Variants in SAMD5 observed in about 807,000 individuals in gnomAD.
SAMD5 encodes the protein sterile alpha motif domain-containing protein 5.
SAMD5 carries 13 observed loss-of-function variants against 11.3 expected under a neutral mutation model. The ratio of observed to expected loss-of-function variants is 1.15; its 90% CI spans 0.75 to 1.83. The LOEUF is 1.83. SAMD5 is among the 40% of genes most tolerant of loss of function. SAMD5 has a pLI of 0.00. For synonymous variants in SAMD5, 129 were observed against 111.3 expected (o/e 1.16, Z -1.00); for missense variants, 255 against 239.1 (o/e 1.07, Z -0.44).
chr6:147,619,725 G>A (rs575774810), intron 1 of SAMD5, among the ~76,000 whole-genome samples: 1 of 152,188 alleles, frequency 6.6e-6, no homozygotes, highest in South Asian at 2.1e-4. Context: ...ATAACTGTTG[G>A]CTGCAAGAGA....
the SAMD5 span, among the ~76,000 whole-genome samples, chr6:147,868,418 G>A: frequency 6.6e-6 from 1 of 152,182 alleles, no homozygotes; most frequent in Non-Finnish European, 1.5e-5. Context: ...TACAGGCAAT[G>A]GCAAATTGTT....
the SAMD5 span, among the ~76,000 whole-genome samples, chr6:147,944,986 T>A: frequency 1.3e-5 from 2 of 152,200 alleles, no homozygotes; most frequent in African/African-American, 4.8e-5. Flanking sequence ...ATTCCGCAAC[T>A]GAGATATAGT....
chr6:147,853,630 T>A, the SAMD5 span, among the ~76,000 whole-genome samples: 2 of 27,440 alleles, frequency 7.3e-5, no homozygotes, highest in Non-Finnish European at 1.4e-4. Context: ...GCATGAGAAT[T>A]TTTTTTTTTT....
chr6:147,710,358 A>G (rs1180153716), intron 1 of SAMD5, among the ~76,000 whole-genome samples: 1 of 152,240 alleles, frequency 6.6e-6, no homozygotes, highest in East Asian at 1.9e-4. Context: ...CTGTGGTCCA[A>G]AAATATTCAA....
At chr6:147,558,729 G>T (rs566050003) in intron 1 of SAMD5, among the ~76,000 whole-genome samples, 77 of 151,984 alleles carry the variant, frequency 5.1e-4, no homozygotes, top group Non-Finnish European at 8.1e-4. Flanking sequence ...AAATGTGTGG[G>T]CCCACTGACC....
rs142279466 is a variant in SAMD5 at position 147,520,220 on chromosome 6, C to T, written c.459+10833C>T. 8.7e-3 allele frequency among the ~76,000 whole-genome samples: 1,312 copies of T among 150,682 alleles called. 14 individuals are homozygous for T. The highest frequency in any genetic ancestry group is 0.029 in the African/African-American group (1,205 of 40,848). On this transcript the variant is annotated intron_variant, in intron 1 of 1. Transcript: ENST00000367474. Reference sequence around the variant, plus strand: ...GCAACCTTCACCTCCAAGGTTCAAGCGATTCTCCTGCCTTAGCCTCCCAAG... The same window carrying T: ...GCAACCTTCACCTCCAAGGTTCAAGTGATTCTCCTGCCTTAGCCTCCCAAG...
intron 1 of SAMD5, among the ~76,000 whole-genome samples, chr6:147,702,391 A>G (rs1337960634): frequency 6.6e-6 from 1 of 152,242 alleles, no homozygotes; most frequent in Non-Finnish European, 1.5e-5. Flanking sequence ...GAGAGGCAAT[A>G]AAACATTTGG....
the SAMD5 span, among the ~76,000 whole-genome samples, chr6:147,758,707 G>A: frequency 6.6e-6 from 1 of 152,098 alleles, no homozygotes; most frequent in Non-Finnish European, 1.5e-5. Context: ...AAAATCATCA[G>A]CATCTTTTAC....
intron 1 of SAMD5, among the ~76,000 whole-genome samples, chr6:147,511,746 A>T (rs552800686): frequency 6.6e-6 from 1 of 152,274 alleles, no homozygotes; most frequent in South Asian, 2.1e-4. Context: ...GAGCATACAA[A>T]TGTTTAGTAC....
At chr6:147,887,858 A>C in the SAMD5 span, among the ~76,000 whole-genome samples, 5 of 152,318 alleles carry the variant, frequency 3.3e-5, no homozygotes, top group African/African-American at 1.2e-4. Context: ...AGTTGTAGCC[A>C]TTATACTATG....
chr6:147,825,973 G>A, the SAMD5 span, among the ~76,000 whole-genome samples: 3 of 152,132 alleles, frequency 2.0e-5, no homozygotes, highest in Non-Finnish European at 4.4e-5. Context: ...ATATGTATTG[G>A]CACATGTATT....
chr6:147,790,332 A>G, the SAMD5 span, among the ~76,000 whole-genome samples: 5,181 of 152,280 alleles, frequency 0.034, 104 homozygotes, highest in Middle Eastern at 0.051. Flanking sequence ...CCATGTGCCA[A>G]ATGTTGAAAT....
At chr6:147,693,295 C>T (rs1011124944) in intron 1 of SAMD5, among the ~76,000 whole-genome samples, 1 of 152,146 alleles carries the variant, frequency 6.6e-6, no homozygotes, top group Non-Finnish European at 1.5e-5. Context: ...AATGGAGGTG[C>T]GGTGAGGAAT....
chr6:147,743,369 C>T, the SAMD5 span: 2 of 152,112 alleles, frequency 1.3e-5, no homozygotes, highest in Non-Finnish European at 2.9e-5. Context: ...CAGCCAGGCG[C>T]GAGGGCGCCT....
At chr6:147,710,578 AGTGCTG>A (rs1253996863) in intron 1 of SAMD5, among the ~76,000 whole-genome samples, 1 of 152,114 alleles carries the variant, frequency 6.6e-6, no homozygotes, top group Non-Finnish European at 1.5e-5. Context: ...GCAGCATCAC[AGTGCTG>A]GTGCCCAAAG....
At chr6:147,510,429 G>A (rs768641313) in intron 1 of SAMD5, among the ~76,000 whole-genome samples, 3 of 152,194 alleles carry the variant, frequency 2.0e-5, no homozygotes, top group Non-Finnish European at 4.4e-5. Context: ...AGGAATATGA[G>A]CACCTCAGCT....
intron 1 of SAMD5, among the ~76,000 whole-genome samples, chr6:147,710,820 C>CA (rs963841435): frequency 1.3e-5 from 2 of 151,570 alleles, no homozygotes; most frequent in African/African-American, 2.4e-5. Flanking sequence ...AATGTATCCC[C>CA]CCTGGATAAG....
At chr6:147,876,878 A>G in the SAMD5 span, among the ~76,000 whole-genome samples, 1,307 of 152,316 alleles carry the variant, frequency 8.6e-3, 19 homozygotes, top group African/African-American at 0.03. Flanking sequence ...GCAAAGATCA[A>G]TTGCGATGAC....
At chr6:147,570,847 C>G (rs1446800743), downstream of SAMD5, among the ~76,000 whole-genome samples, 1 of 152,116 alleles carries the variant, frequency 6.6e-6, no homozygotes, top group East Asian at 1.9e-4. Flanking sequence ...GACTAAGGTG[C>G]CAGGAGTGAG....
Sources: allele counts gnomAD v4.1 joint callset (sites outside exome capture counted in the v4.1 genomes callset), GRCh38; gene constraint gnomAD v4.1.1; transcripts MANE v1.5; gene names NCBI Gene and HGNC (gene_info 2026-07-23, HGNC 2026-07-21).